Variants in DST observed in about 807,000 individuals in gnomAD.
DST encodes bullous pemphigoid antigen.
Under a neutral mutation model 875.2 loss-of-function variants are expected in DST, and 253 were observed. That is an observed-to-expected ratio of 0.29 (90% CI 0.26 to 0.32). The LOEUF (loss-of-function observed/expected upper bound fraction) is 0.32. DST is among the 10% of genes least tolerant of loss of function. DST has a pLI of 1.00. For missense variants in DST, 8,287 were observed against 9,111.6 expected (o/e 0.91, Z 3.68); for synonymous variants, 3,124 against 3,197.1 (o/e 0.98, Z 0.77).
At chr6:56,890,060 A>C (rs186438484) in intron 3 of DST, among the ~76,000 whole-genome samples, 8 of 152,104 alleles carry the variant, frequency 5.3e-5, no homozygotes, top group Admixed American at 5.2e-4. Flanking sequence ...ATGAGGATAA[A>C]TGTCTAGCAC....
At chr6:56,615,862 C>A in intron 36 of DST, 1 of 1,614,156 alleles carries the variant, frequency 6.2e-7, no homozygotes, top group Non-Finnish European at 8.5e-7. Flanking sequence ...CCACTGACAT[C>A]ATTTTGTTAG....
chr6:56,508,311 G>C (rs1026299284), intron 75 of DST, among the ~76,000 whole-genome samples: 3 of 152,140 alleles, frequency 2.0e-5, no homozygotes, highest in African/African-American at 7.2e-5. Context: ...TGGGAATACA[G>C]GCATGAGCCA....
At chr6:56,664,203 A>C (rs948388540) in intron 10 of DST, among the ~76,000 whole-genome samples, 1 of 152,192 alleles carries the variant, frequency 6.6e-6, no homozygotes, top group Non-Finnish European at 1.5e-5. Context: ...ATTCATGTTC[A>C]TGCCTGCTCA....
intron 71 of DST, among the ~76,000 whole-genome samples, chr6:56,516,192 A>AGAGAAG (rs2096589659): frequency 6.6e-6 from 1 of 151,072 alleles, no homozygotes; most frequent in Non-Finnish European, 1.5e-5. Flanking sequence ...AGAAAGAGAA[A>AGAGAAG]GAGAAGGAGA....
chr6:56,527,744 CAA>C lies in DST; in HGVS notation c.17681-12_17681-11del. The C allele has an allele frequency of 6.3e-7, 1 of 1,587,632 alleles. No homozygotes were observed. The highest frequency in any genetic ancestry group is 8.6e-7 in the Non-Finnish European group (1 of 1,166,204). ...ATTAAAACTTCATCACCTAAAATTT[CAA>C]AGTCACGTTATTTCTTATGAAGGAA... On this transcript the variant is annotated splice_polypyrimidine_tract_variant and intron_variant, in intron 67 of 103. Coordinates refer to ENST00000680361, the MANE Select transcript of DST (RefSeq NM_001374736.1).
chr6:56,528,940 AC>A lies in DST; in HGVS notation c.17596-16del. ...TCTTGCAGAACCTGAAAACACAGGTACCATTTTTATGTGGGGGGAAAAACAT... is the reference window on the plus strand; with the variant it reads ...TCTTGCAGAACCTGAAAACACAGGTACATTTTTATGTGGGGGGAAAAACAT... On this transcript the variant is annotated splice_polypyrimidine_tract_variant and intron_variant, in intron 66 of 103. Coordinates refer to ENST00000680361, the MANE Select transcript of DST (RefSeq NM_001374736.1). 6.5e-7 allele frequency: 1 copy of A among 1,534,988 alleles called. No homozygotes were observed. The highest frequency in any genetic ancestry group is 8.9e-7 in the Non-Finnish European group (1 of 1,124,012).
At chr6:56,867,085 C>T (rs1013933411) in intron 3 of DST, among the ~76,000 whole-genome samples, 1 of 152,196 alleles carries the variant, frequency 6.6e-6, no homozygotes, top group East Asian at 1.9e-4. Context: ...AATGGGATTG[C>T]TCTCAGCAAG....
At chr6:56,468,398 G>A (rs922416387) in intron 98 of DST, among the ~76,000 whole-genome samples, 1 of 152,124 alleles carries the variant, frequency 6.6e-6, no homozygotes, top group South Asian at 2.1e-4. Context: ...TCCTCAAAAG[G>A]AATATTACTT....
intron 9 of DST, among the ~76,000 whole-genome samples, chr6:56,680,476 C>T (rs1234082383): frequency 6.6e-6 from 1 of 152,216 alleles, no homozygotes; most frequent in Non-Finnish European, 1.5e-5. Context: ...CCTCATGGAG[C>T]TTACAGTCTA....
chr6:56,492,355 T>C lies in DST; in HGVS notation c.20629A>G (p.Ser6877Gly), dbSNP rs1326465607. The change falls in exon 85 of 104, where the codon AGT becomes GGT. Residue 6877 changes from serine (S) to glycine (G), a missense_variant. This residue lies in a region of DST where 1,292 missense variants were observed against 1,552.7 expected (regional missense o/e 0.83). Coordinates refer to ENST00000680361, the MANE Select transcript of DST (RefSeq NM_001374736.1). Reference protein sequence around the residue: ...DKTGTHLKYFSQKQDVVLIKN... With the variant: ...DKTGTHLKYFGQKQDVVLIKN... ...ATTAGAACAACATCTTGTTTCTGAC[T>C]AAAATATTTTAGGTGGGTTCCAGTT... The C allele has an allele frequency of 1.2e-6, 2 of 1,613,774 alleles. No homozygotes were observed. The highest frequency in any genetic ancestry group is 1.7e-6 in the Non-Finnish European group (2 of 1,179,822).
chr6:56,501,416 A>G, intron 79 of DST, 104 bp downstream of exon 79: 1 of 1,149,172 alleles, frequency 8.7e-7, no homozygotes. Context: ...AAAATAGAAT[A>G]TATGAGAAGC....
intron 64 of DST, 69 bp from the exon 65 acceptor site, chr6:56,530,202 A>G: frequency 8.0e-7 from 1 of 1,251,050 alleles, no homozygotes; most frequent in Middle Eastern, 2.0e-4. Flanking sequence ...ATCTTCAGTC[A>G]TGCTCTTGCA....
chr6:56,870,431 CAAA>C (rs34119606), intron 3 of DST, among the ~76,000 whole-genome samples: 1 of 51,368 alleles, frequency 1.9e-5, no homozygotes, highest in Non-Finnish European at 4.2e-5. Flanking sequence ...CTTGCAACTG[CAAA>C]AAAAAAAAAA....
chr6:56,466,219 C>A (rs1300203696), intron 98 of DST, 24 bp from the exon 99 acceptor site: 5 of 1,482,834 alleles, frequency 3.4e-6, no homozygotes, highest in Non-Finnish European at 4.6e-6. Context: ...AAAGAAAGAA[C>A]CTCTAGTTGT....
intron 4 of DST, among the ~76,000 whole-genome samples, chr6:56,778,397 T>C (rs956149943): frequency 2.6e-5 from 4 of 151,520 alleles, no homozygotes; most frequent in Non-Finnish European, 5.9e-5. Context: ...TTTTTTTTAA[T>C]TATACTTTAA....
chr6:56,801,747 A>ATTTT (rs200681543), intron 4 of DST, among the ~76,000 whole-genome samples: 11 of 132,376 alleles, frequency 8.3e-5, no homozygotes, highest in South Asian at 2.4e-4. Context: ...TCACACAATA[A>ATTTT]TTTTTTTTTT....
chr6:56,553,713 G>T, intron 60 of DST, 58 bp from the exon 61 acceptor site: 2 of 1,475,052 alleles, frequency 1.4e-6, no homozygotes, highest in Non-Finnish European at 1.8e-6. Flanking sequence ...TTTAATCTAT[G>T]AAAAGCCAAA....
At chr6:56,890,411 T>C (rs1786825556) in intron 3 of DST, among the ~76,000 whole-genome samples, 1 of 152,234 alleles carries the variant, frequency 6.6e-6, no homozygotes, top group South Asian at 2.1e-4. Context: ...AATGGAGATC[T>C]GGATCTAATT....
intron 5 of DST, among the ~76,000 whole-genome samples, chr6:56,729,799 G>A (rs2099489637): frequency 6.6e-6 from 1 of 152,170 alleles, no homozygotes; most frequent in Non-Finnish European, 1.5e-5. Context: ...ATAAAGAACA[G>A]TGTGATTGAT....
Sources: gnomAD v4.1 joint callset for allele counts (sites outside exome capture counted in the v4.1 genomes callset) on GRCh38, gnomAD v4.1.1 for gene constraint, gnomAD v4.1.1 regional missense constraint, MANE v1.5 for transcripts, NCBI Gene and HGNC (gene_info 2026-07-23, HGNC 2026-07-21) for gene names.